SLC9A9: variants seen among roughly 807,000 people sequenced by gnomAD.
The protein encoded by SLC9A9 is sodium/hydrogen exchanger 9.
SLC9A9 carries 62 observed loss-of-function variants against 77.8 expected under a neutral mutation model. The ratio of observed to expected loss-of-function variants is 0.80; its 90% confidence interval spans 0.65 to 0.98. SLC9A9 has a LOEUF of 0.98. Ranked by LOEUF, SLC9A9 falls within the 50% of genes least tolerant of loss-of-function variation. The probability of loss-of-function intolerance (pLI) is 0.00; values close to 1 mark genes in which losing one functional copy is unlikely to be tolerated. For synonymous variants in SLC9A9, 320 were observed against 283.5 expected (o/e 1.13, Z -1.29); for missense variants, 775 against 774.9 (o/e 1.00, Z 0.00).
At chr3:143,510,124 G>T (rs996818332) in intron 9 of SLC9A9, among the ~76,000 whole-genome samples, 4 of 152,222 alleles carry the variant, frequency 2.6e-5, no homozygotes, top group African/African-American at 9.6e-5. Context: ...TATGCAGAAA[G>T]ACTTGATAAA....
chr3:143,555,392 G>A (rs2036963296), intron 8 of SLC9A9, among the ~76,000 whole-genome samples: 1 of 152,146 alleles, frequency 6.6e-6, no homozygotes, highest in South Asian at 2.1e-4. Flanking sequence ...TGTAACACAA[G>A]GCAAAGCTCA....
intron 9 of SLC9A9, among the ~76,000 whole-genome samples, chr3:143,536,594 G>GC (rs35120656): frequency 0.075 from 11,488 of 152,198 alleles, 835 homozygotes; most frequent in African/African-American, 0.19. Context: ...AGGCAGGCAA[G>GC]CAAGTCACTG....
At chr3:143,525,024 A>C (rs2036380838) in intron 9 of SLC9A9, among the ~76,000 whole-genome samples, 1 of 152,220 alleles carries the variant, frequency 6.6e-6, no homozygotes, top group Non-Finnish European at 1.5e-5. Context: ...TAAATTATTC[A>C]GTCTCAAGTA....
intron 8 of SLC9A9, among the ~76,000 whole-genome samples, chr3:143,562,202 T>C (rs1474245124): frequency 6.6e-6 from 1 of 152,168 alleles, no homozygotes; most frequent in Non-Finnish European, 1.5e-5. Context: ...ATAAGATATA[T>C]ACAAAGACAT....
intron 11 of SLC9A9, among the ~76,000 whole-genome samples, chr3:143,467,987 G>A (rs1454129727): frequency 6.6e-6 from 1 of 152,162 alleles, no homozygotes; most frequent in East Asian, 1.9e-4. Context: ...CATTCAGGTT[G>A]CTGAATTATT....
intron 4 of SLC9A9, among the ~76,000 whole-genome samples, chr3:143,708,039 T>C (rs1934034339): frequency 6.6e-6 from 1 of 152,162 alleles, no homozygotes; most frequent in African/African-American, 2.4e-5. Flanking sequence ...CAAGCCTCCC[T>C]TCTGTGAAGT....
intron 4 of SLC9A9, among the ~76,000 whole-genome samples, chr3:143,748,799 G>C (rs1341632279): frequency 6.6e-6 from 1 of 150,716 alleles, no homozygotes; most frequent in Non-Finnish European, 1.5e-5. Flanking sequence ...CGCTTCCTGG[G>C]TTCACGCCAT....
intron 1 of SLC9A9, among the ~76,000 whole-genome samples, chr3:143,838,715 T>C (rs1238287891): frequency 1.3e-5 from 2 of 152,188 alleles, no homozygotes; most frequent in Non-Finnish European, 2.9e-5. Flanking sequence ...AATGCAAGAC[T>C]TTAAGGCAGG....
chr3:143,324,254 T>G (rs959154925), intron 14 of SLC9A9, among the ~76,000 whole-genome samples: 1 of 152,142 alleles, frequency 6.6e-6, no homozygotes, highest in Admixed American at 6.5e-5. Context: ...CCCCAGGCAG[T>G]GGGTGAGCCT....
In SLC9A9 at chr3:143,407,240, TAAC is replaced by T. The variant is rs200016089; in HGVS notation, c.1470-25129_1470-25127del. Among the ~76,000 whole-genome samples, 968 of 152,216 alleles carry T rather than the reference TAAC, an allele frequency of 6.4e-3. 7 individuals carry two copies. The highest frequency in any genetic ancestry group is 0.022 in the African/African-American group (917 of 41,534). ...TCATTTCTTACCTATATGGCAAAAA[TAAC>T]AACATTTACAAAAATCCATTTCAAA... On this transcript the variant is annotated intron_variant, in intron 12 of 15. Coordinates refer to ENST00000316549, the MANE Select transcript of SLC9A9 (RefSeq NM_173653.4).
At chr3:143,802,032 G>A (rs924526983) in intron 2 of SLC9A9, among the ~76,000 whole-genome samples, 2 of 152,136 alleles carry the variant, frequency 1.3e-5, no homozygotes, top group African/African-American at 2.4e-5. Context: ...CCTCGGCAAC[G>A]CTTATGCTGA....
intron 12 of SLC9A9, among the ~76,000 whole-genome samples, chr3:143,457,356 T>G (rs2035113016): frequency 6.6e-6 from 1 of 152,212 alleles, no homozygotes; most frequent in South Asian, 2.1e-4. Flanking sequence ...TGAGTCTTTT[T>G]CTTTTTGTCA....
intron 4 of SLC9A9, among the ~76,000 whole-genome samples, chr3:143,786,466 G>A (rs1230181021): frequency 1.3e-5 from 2 of 152,092 alleles, no homozygotes; most frequent in Non-Finnish European, 2.9e-5. Context: ...CAGCTAGATT[G>A]GTGAATGATA....
chr3:143,353,079 C>T (rs1354114455), intron 14 of SLC9A9, among the ~76,000 whole-genome samples: 2 of 152,242 alleles, frequency 1.3e-5, no homozygotes, highest in Admixed American at 6.5e-5. Flanking sequence ...TTTCTGAACA[C>T]TCTGCACCCT....
intron 6 of SLC9A9, among the ~76,000 whole-genome samples, chr3:143,648,886 T>C (rs2038750331): frequency 6.6e-6 from 1 of 152,178 alleles, no homozygotes; most frequent in African/African-American, 2.4e-5. Context: ...CCCTGGGAAA[T>C]GCTGGCAGCC....
rs539473974 is a variant in SLC9A9 at position 143,379,924 on chromosome 3, T to A, written c.1524+2136A>T. The stretch of plus-strand genomic sequence containing the variant: ...TTTTAAAATTTCTATAAAAATATGT[T>A]ACTATTATATGTGGTGGTTTAAGCT... On this transcript the variant is annotated intron_variant, in intron 13 of 15. Coordinates refer to ENST00000316549, the MANE Select transcript of SLC9A9 (RefSeq NM_173653.4). 2.0e-4 allele frequency among the ~76,000 whole-genome samples: 30 copies of A among 152,322 alleles called. No homozygotes were observed. In the East Asian group the frequency reaches 4.2e-3, roughly 22 times the overall value.
chr3:143,784,825 G>A (rs1291549228), intron 4 of SLC9A9, among the ~76,000 whole-genome samples: 2 of 152,162 alleles, frequency 1.3e-5, no homozygotes, highest in African/African-American at 4.8e-5. Context: ...ATTGTATTAG[G>A]AGGTAGGACC....
chr3:143,764,971 TTTCCTTCC>T (rs139347757), intron 4 of SLC9A9, among the ~76,000 whole-genome samples: 52,567 of 147,136 alleles, frequency 0.36, 9,600 homozygotes, highest in African/African-American at 0.42. Flanking sequence ...TTTCTCTTTC[TTTCCTTCC>T]TTCCTTCCTT....
chr3:143,847,423 C>T (rs916542924), intron 1 of SLC9A9, among the ~76,000 whole-genome samples: 26 of 152,208 alleles, frequency 1.7e-4, no homozygotes, highest in Middle Eastern at 6.8e-3. Flanking sequence ...AGGAATGATA[C>T]GGTAAGTTGC....
Sources: allele counts gnomAD v4.1 joint callset (sites outside exome capture counted in the v4.1 genomes callset), GRCh38; gene constraint gnomAD v4.1.1; transcripts MANE v1.5; gene names NCBI Gene and HGNC (gene_info 2026-07-23, HGNC 2026-07-21).